The following P3H2 variants were observed in gnomAD, a reference collection of about 807,000 sequenced individuals.
P3H2 encodes the protein prolyl 3-hydroxylase 2.
P3H2 carries 80 observed loss-of-function variants against 87.0 expected under a neutral mutation model. That is an observed-to-expected ratio of 0.92 (90% confidence interval 0.77 to 1.11). The LOEUF is 1.11. P3H2 is among the 50% of genes least tolerant of loss of function. P3H2 has a pLI of 0.00. For missense variants in P3H2, 1,001 were observed against 923.9 expected (o/e 1.08, Z -1.08); for synonymous variants, 367 against 359.3 (o/e 1.02, Z -0.24).
Position 189,973,037 on chromosome 3 carries a change from AAC to A in P3H2, c.1549-15_1549-14del, listed in dbSNP as rs1553872129. Reference sequence around the variant, plus strand: ...CTTCATAACCAGACTGAAAAAAAAAAACAAAACATGAGAAACAAATGGGTTCA... The same window carrying A: ...CTTCATAACCAGACTGAAAAAAAAAAAAAACATGAGAAACAAATGGGTTCA... On this transcript the variant is annotated splice_polypyrimidine_tract_variant and intron_variant, in intron 10 of 14. Transcript: ENST00000319332. 2 of 1,601,330 alleles carry A rather than the reference AAC, an allele frequency of 1.2e-6. No individual in the cohort carries two copies. The highest frequency in any genetic ancestry group is 2.7e-5 in the African/African-American group (2 of 74,192).
At chr3:190,058,470 T>C (rs923256855) in intron 1 of P3H2, among the ~76,000 whole-genome samples, 1 of 152,058 alleles carries the variant, frequency 6.6e-6, no homozygotes, top group African/African-American at 2.4e-5. Context: ...CAAATATGGG[T>C]CAAAGTTGTA....
At chr3:190,038,234 T>TAA (rs140978961) in intron 1 of P3H2, among the ~76,000 whole-genome samples, 2 of 132,180 alleles carry the variant, frequency 1.5e-5, no homozygotes, top group Non-Finnish European at 1.6e-5. Flanking sequence ...AGACTAGGTT[T>TAA]AAAAAAAAAA....
chr3:190,094,256 A>C (rs1727501707), intron 1 of P3H2, among the ~76,000 whole-genome samples: 2 of 152,196 alleles, frequency 1.3e-5, no homozygotes, highest in South Asian at 4.1e-4. Context: ...TCATGACAAC[A>C]TCCAAGTAAC....
At chr3:190,006,355 C>T (rs1724388487) in intron 1 of P3H2, among the ~76,000 whole-genome samples, 1 of 152,218 alleles carries the variant, frequency 6.6e-6, no homozygotes, top group Non-Finnish European at 1.5e-5. Flanking sequence ...GAAGCTACCT[C>T]TTCGATTAAA....
intron 3 of P3H2, among the ~76,000 whole-genome samples, chr3:189,992,674 T>C (rs547111302): frequency 1.3e-5 from 2 of 152,308 alleles, no homozygotes; most frequent in Non-Finnish European, 2.9e-5. Context: ...TTAATCTTTT[T>C]CAGATAAATT....
At position 190,019,785 on chromosome 3, in the gene P3H2, AAT is replaced by A. The variant is rs1210566859; in HGVS notation, c.481-24345_481-24344del. Among the ~76,000 whole-genome samples the A allele has an allele frequency of 9.3e-3, 346 of 37,356 alleles. 32 individuals carry two copies. The highest frequency in any genetic ancestry group is 0.012 in the Admixed American group (54 of 4,452). 24.5% of individuals were successfully genotyped at this position (37,356 alleles called of 152,430 possible). On this transcript the variant is annotated intron_variant, in intron 1 of 14. Transcript: ENST00000319332. ...ATGTGACATTACCTAGAAATTAAAA[AAT>A]ATATATATATATATATATATATATA...
At chr3:190,052,363 T>C (rs1347428520) in intron 1 of P3H2, among the ~76,000 whole-genome samples, 4 of 152,164 alleles carry the variant, frequency 2.6e-5, no homozygotes, top group African/African-American at 9.7e-5. Flanking sequence ...GTTCCTGTAT[T>C]AGTTTGCTGA....
intron 1 of P3H2, among the ~76,000 whole-genome samples, chr3:190,094,406 C>A (rs1455413202): frequency 6.6e-6 from 1 of 152,190 alleles, no homozygotes; most frequent in East Asian, 1.9e-4. Flanking sequence ...TCCTTGAATT[C>A]TATGACCCTG....
chr3:190,056,523 A>C (rs1049881944), intron 1 of P3H2, among the ~76,000 whole-genome samples: 1 of 152,212 alleles, frequency 6.6e-6, no homozygotes, highest in Non-Finnish European at 1.5e-5. Context: ...TTTTCATTGC[A>C]TTCAGAATGT....
chr3:189,995,145 C>A, intron 2 of P3H2, 145 bp downstream of exon 2: 1 of 678,420 alleles, frequency 1.5e-6, no homozygotes. Context: ...TCATTATATT[C>A]TGAGAATTCT....
At chr3:190,055,439 A>T (rs1726119286) in intron 1 of P3H2, among the ~76,000 whole-genome samples, 1 of 152,200 alleles carries the variant, frequency 6.6e-6, no homozygotes, top group African/African-American at 2.4e-5. Flanking sequence ...ATAACAAAAA[A>T]GATTTAAATT....
intron 1 of P3H2, among the ~76,000 whole-genome samples, chr3:190,036,268 C>A (rs9290916): frequency 0.8 from 122,422 of 152,078 alleles, 49,331 homozygotes; most frequent in East Asian, 0.86. Flanking sequence ...TTTGCTCTTA[C>A]CTAATGATGC....
intron 1 of P3H2, among the ~76,000 whole-genome samples, chr3:190,109,360 C>G (rs904975671): frequency 3.3e-5 from 5 of 152,094 alleles, no homozygotes; most frequent in Non-Finnish European, 7.3e-5. Flanking sequence ...ACTTCCCAGC[C>G]TTCTGTGAGT....
chr3:189,971,576 C>T (rs980304708), intron 12 of P3H2: 3 of 363,714 alleles, frequency 8.2e-6, no homozygotes, highest in African/African-American at 6.4e-5. Flanking sequence ...TGTATTCTGA[C>T]TGAAATACAT....
chr3:189,979,683 T>G (rs547604719), intron 8 of P3H2, among the ~76,000 whole-genome samples: 1 of 151,946 alleles, frequency 6.6e-6, no homozygotes, highest in East Asian at 2.0e-4. Flanking sequence ...GTGGGTGGGC[T>G]GAGCACAGTG....
chr3:190,083,829 T>C (rs1002197329), intron 1 of P3H2, among the ~76,000 whole-genome samples: 2 of 152,290 alleles, frequency 1.3e-5, no homozygotes, highest in South Asian at 4.1e-4. Flanking sequence ...GTGGCTCCCA[T>C]GGGGGCTGTA....
In P3H2 at chr3:189,987,376, G is replaced by A. The variant is rs1560349813; in HGVS notation, c.1098+151C>T. The stretch of plus-strand genomic sequence containing the variant: ...TGCCTGTAATCCCAGCTACTAGGGA[G>A]GCTGAGGCAGGAGAATCGCTTGAAC... On this transcript the variant is annotated intron_variant, in intron 5 of 14. Transcript: ENST00000319332. The A allele has an allele frequency of 3.8e-6, 3 of 793,668 alleles. No homozygotes were observed. In the Admixed American group the frequency reaches 7.6e-5, roughly 20 times the overall value. 49.2% of individuals were successfully genotyped at this position (793,668 alleles called of 1,614,324 possible).
At chr3:189,959,860 ATG>A (rs75204350) in intron 14 of P3H2, among the ~76,000 whole-genome samples, 1,531 of 134,784 alleles carry the variant, frequency 0.011, 10 homozygotes, top group African/African-American at 0.022. Flanking sequence ...TGGAGGAGAT[ATG>A]TGTGTGTGTG....
intron 1 of P3H2, among the ~76,000 whole-genome samples, chr3:190,031,426 T>C (rs1009966080): frequency 1.4e-5 from 1 of 72,194 alleles, no homozygotes; most frequent in Non-Finnish European, 2.8e-5. Flanking sequence ...TCACCTGAGG[T>C]CAGGAGTTCG....
Sources: gnomAD v4.1 joint callset for allele counts (sites outside exome capture counted in the v4.1 genomes callset) on GRCh38, gnomAD v4.1.1 for gene constraint, MANE v1.5 for transcripts, NCBI Gene and HGNC (gene_info 2026-07-23, HGNC 2026-07-21) for gene names.